The following HOATZ variants were observed in gnomAD, a reference collection of about 807,000 sequenced individuals.
The protein encoded by HOATZ is HOATZ cilia and flagella associated protein.
Under a neutral mutation model 24.9 loss-of-function variants are expected in HOATZ, and 26 were observed. That is an observed-to-expected ratio of 1.04 (90% confidence interval 0.76 to 1.45). HOATZ has a LOEUF of 1.45. HOATZ is among the 40% of genes most tolerant of loss of function. HOATZ has a pLI of 0.00. For missense variants in HOATZ, 226 were observed against 201.5 expected (o/e 1.12, Z -0.74); for synonymous variants, 83 against 76.6 (o/e 1.08, Z -0.43).
At chr11:111,529,406 C>G (rs929124297) in intron 3 of HOATZ, among the ~76,000 whole-genome samples, 2 of 152,076 alleles carry the variant, frequency 1.3e-5, no homozygotes, top group African/African-American at 4.8e-5. Context: ...ACTCTGTCGC[C>G]AGGCTGGAGT....
chr11:111,520,872 G>C (rs1278916575), intron 3 of HOATZ, among the ~76,000 whole-genome samples: 1 of 152,124 alleles, frequency 6.6e-6, no homozygotes, highest in African/African-American at 2.4e-5. Flanking sequence ...TTTTATTACA[G>C]TATATTGTTA....
At chr11:111,532,436 G>A (rs1867403606) in intron 3 of HOATZ, among the ~76,000 whole-genome samples, 1 of 152,182 alleles carries the variant, frequency 6.6e-6, no homozygotes, top group African/African-American at 2.4e-5. Context: ...ACCTAATCCA[G>A]TCTGATTGGA....
chr11:111,518,868 A>C (rs1261478842), intron 3 of HOATZ: 1 of 270,608 alleles, frequency 3.7e-6, no homozygotes, highest in African/African-American at 2.2e-5. Flanking sequence ...AAGCCTTCTC[A>C]GGGGTTACCC....
At chr11:111,518,174 A>G (rs1867229264) in intron 3 of HOATZ, among the ~76,000 whole-genome samples, 1 of 152,212 alleles carries the variant, frequency 6.6e-6, no homozygotes, top group Non-Finnish European at 1.5e-5. Flanking sequence ...GTGGTCCTGC[A>G]CTGCAATATA....
rs190518490 is a variant in HOATZ, at chr11:111,515,383, C to T, written c.227-128C>T. On this transcript the variant is annotated intron_variant, in intron 1 of 5. Transcript: ENST00000375618. Reference sequence around the variant, plus strand: ...AACATTACCAATGAACTTCCTGGACCTGTGAGCCCTTAGTGAGGCCTAGGA... The same window carrying T: ...AACATTACCAATGAACTTCCTGGACTTGTGAGCCCTTAGTGAGGCCTAGGA... The T allele has an allele frequency of 1.9e-4, 135 of 717,618 alleles. No individual in the cohort carries two copies. In the African/African-American group the frequency reaches 2.3e-3, roughly 12 times the overall value. The allele number at this position is 717,618 out of a possible 1,614,324, so 44.5% of individuals were successfully genotyped here.
At chr11:111,515,484 T>C (rs1283506411) in intron 1 of HOATZ, 27 bp from the exon 2 acceptor site, 1 of 1,603,216 alleles carries the variant, frequency 6.2e-7, no homozygotes, top group Non-Finnish European at 8.5e-7. Flanking sequence ...TCCAATGATT[T>C]CTTTACTTCC....
chr11:111,522,461 T>C (rs757978806), intron 3 of HOATZ, among the ~76,000 whole-genome samples: 1 of 152,244 alleles, frequency 6.6e-6, no homozygotes, highest in Non-Finnish European at 1.5e-5. Flanking sequence ...TATCCACCTT[T>C]GTACTTTGCC....
rs775579194 is a variant in HOATZ, at chr11:111,515,545, G to A, written c.261G>A (p.Ala87=). The A allele has an allele frequency of 6.2e-6, 10 of 1,612,938 alleles. No individual in the cohort carries two copies. The highest frequency in any genetic ancestry group is 2.2e-5 in the East Asian group (1 of 44,872). ...ACTCCTCGCAGTCTTTTCACCTTGC[G>A]AGTAACAGTAAGTACCAAGTTTTAT... The part of the protein sequence containing the change: ...NSHSSQSFHL[A]SNKNRDIFAE... Residue 87 remains alanine, a synonymous_variant, in exon 2 of 6, where the codon GCG becomes GCA. Coordinates refer to ENST00000375618, the MANE Select transcript of HOATZ (RefSeq NM_001100388.2).
chr11:111,536,600 A>G (rs1302251559), intron 5 of HOATZ, 170 bp from the exon 6 acceptor site: 3 of 580,898 alleles, frequency 5.2e-6, no homozygotes, highest in African/African-American at 1.9e-5. Context: ...TCACAATATC[A>G]TAACCACTTC....
chr11:111,531,650 A>G lies in HOATZ; in HGVS notation c.340-2096A>G, dbSNP rs372824435. Among the ~76,000 whole-genome samples, 18 of 152,356 alleles carry G rather than the reference A, an allele frequency of 1.2e-4. No homozygotes were observed. The East Asian group carries it at 3.5e-3, about 29-fold the overall frequency. On this transcript the variant is annotated intron_variant, in intron 3 of 5. Transcript: ENST00000375618. ...ACAGTTTTCAAATGTACTCTGAATT[A>G]TTTTCTTTCAGTAACTGTGATATAT...
intron 3 of HOATZ, among the ~76,000 whole-genome samples, chr11:111,526,196 G>T (rs1867337147): frequency 6.6e-6 from 1 of 152,240 alleles, no homozygotes; most frequent in African/African-American, 2.4e-5. Context: ...GGCCAATGTG[G>T]TAATATGGGA....
At chr11:111,533,832 T>C in intron 4 of HOATZ, 27 bp downstream of exon 4, 1 of 1,521,990 alleles carries the variant, frequency 6.6e-7, no homozygotes, top group South Asian at 1.3e-5. Context: ...GGCATTTGGA[T>C]AATCTATCTG....
intron 3 of HOATZ, among the ~76,000 whole-genome samples, chr11:111,528,304 C>T (rs1257422924): frequency 3.9e-5 from 6 of 152,170 alleles, no homozygotes; most frequent in Non-Finnish European, 5.9e-5. Flanking sequence ...GGTGCCACTG[C>T]ACTTCCACCT....
At chr11:111,530,061 G>C (rs574503665) in intron 3 of HOATZ, among the ~76,000 whole-genome samples, 3 of 152,078 alleles carry the variant, frequency 2.0e-5, no homozygotes, top group African/African-American at 7.2e-5. Flanking sequence ...AGCACTGAAA[G>C]AAAAATTTTC....
chr11:111,524,804 T>G, intron 3 of HOATZ: 1 of 409,530 alleles, frequency 2.4e-6, no homozygotes. Context: ...AACAGTTGAT[T>G]TTATTGTTGA....
Position 111,533,778 on chromosome 11 carries a change from A to C in HOATZ, c.372A>C (p.Leu124Phe). ...AKTREEILQLLRKQREERISK... is the reference protein window; with the variant it reads ...AKTREEILQLFRKQREERISK... ...CAAGAGAAGAGATTCTCCAACTCTT[A>C]AGAAAACAAAGAGAAGAAAGGATCT... Residue 124 changes from leucine (L) to phenylalanine (F), a missense_variant, in exon 4 of 6, where the codon TTA (leucine) becomes TTC (phenylalanine). By Grantham distance (22) the Leu-to-Phe change is conservative (BLOSUM62 0). Transcript: ENST00000375618. 1 of 1,575,826 alleles carries C rather than the reference A, an allele frequency of 6.3e-7. No individual in the cohort carries two copies. Among genetic ancestry groups the C allele is most frequent in the Non-Finnish European group, 8.6e-7 (1 of 1,169,242 alleles).
At chr11:111,533,844 G>A (rs117655744) in intron 4 of HOATZ, 39 bp downstream of exon 4, 63,602 of 1,463,808 alleles carry the variant, frequency 0.043, 1,707 homozygotes, top group Admixed American at 0.086. Context: ...ATCTATCTGA[G>A]TGGATGAATT....
chr11:111,534,303 T>C (rs1867424886), intron 4 of HOATZ, 109 bp from the exon 5 acceptor site: 2 of 769,672 alleles, frequency 2.6e-6, no homozygotes, highest in Non-Finnish European at 4.4e-6. Flanking sequence ...AAGCTAGTCT[T>C]TATAAACTCT....
intron 4 of HOATZ, 142 bp from the exon 5 acceptor site, chr11:111,534,270 A>G (rs1414337597): frequency 4.7e-6 from 3 of 638,294 alleles, no homozygotes; most frequent in Non-Finnish European, 8.3e-6. Context: ...TTTCTGACCG[A>G]CCCCACAGTT....
Sources: allele counts gnomAD v4.1 joint callset (sites outside exome capture counted in the v4.1 genomes callset), GRCh38; gene constraint gnomAD v4.1.1; transcripts MANE v1.5; gene names NCBI Gene and HGNC (gene_info 2026-07-23, HGNC 2026-07-21).